ATP10B: variants seen among roughly 807,000 people sequenced by gnomAD.
ATP10B encodes the protein phospholipid-transporting ATPase VB.
In ATP10B, 122 loss-of-function variants were observed where a neutral mutation model predicts 141.2. That is an observed-to-expected ratio of 0.86 (90% CI 0.75 to 1.00). The LOEUF (loss-of-function observed/expected upper bound fraction) is 1.00. Ranked by LOEUF, ATP10B falls within the 50% of genes least tolerant of loss-of-function variation. ATP10B has a pLI of 0.00. For synonymous variants in ATP10B, 685 were observed against 692.0 expected (o/e 0.99, Z 0.16); for missense variants, 1,876 against 1,825.3 (o/e 1.03, Z -0.51).
At chr5:160,686,385 T>G in intron 5 of ATP10B, 112 bp from the exon 6 acceptor site, 1 of 713,012 alleles carries the variant, frequency 1.4e-6, no homozygotes, top group Non-Finnish European at 2.2e-6. Context: ...TCTTTCAGTA[T>G]CACCTCAAAC....
At chr5:160,841,867 G>A (rs1775828665) in intron 1 of ATP10B, among the ~76,000 whole-genome samples, 1 of 152,158 alleles carries the variant, frequency 6.6e-6, no homozygotes, top group African/African-American at 2.4e-5. Flanking sequence ...TGGGATTACA[G>A]GTGCGTGCCA....
the ATP10B span, among the ~76,000 whole-genome samples, chr5:160,906,437 C>A: frequency 6.6e-6 from 1 of 152,124 alleles, no homozygotes; most frequent in South Asian, 2.1e-4. Flanking sequence ...TTTCTATAAT[C>A]CTTCTAAACA....
At chr5:160,749,313 TAC>T (rs1768000828) in intron 2 of ATP10B, among the ~76,000 whole-genome samples, 1 of 152,198 alleles carries the variant, frequency 6.6e-6, no homozygotes, top group African/African-American at 2.4e-5. Context: ...GTTACCCTCC[TAC>T]AGATGGTTCA....
At chr5:160,747,197 C>T (rs1377953749) in intron 2 of ATP10B, among the ~76,000 whole-genome samples, 1 of 152,182 alleles carries the variant, frequency 6.6e-6, no homozygotes, top group East Asian at 1.9e-4. Flanking sequence ...GGCTAAAGGA[C>T]AGTCACCATT....
chr5:160,686,062 G>A lies in ATP10B; in HGVS notation c.470+17C>T. The A allele has an allele frequency of 1.3e-6, 2 of 1,536,726 alleles. No homozygotes were observed. Among genetic ancestry groups the A allele is most frequent in the Non-Finnish European group, 1.8e-6 (2 of 1,132,768 alleles). On this transcript the variant is annotated intron_variant, in intron 6 of 25. Transcript: ENST00000327245. ...TAACCCATTTGCAAGAGAGAACACA[G>A]GGATGGTTTTTCTTACCTTTCATAA... is the stretch of plus-strand genomic sequence containing the variant.
intron 1 of ATP10B, among the ~76,000 whole-genome samples, chr5:160,789,635 C>G (rs1043412248): frequency 6.6e-6 from 1 of 152,148 alleles, no homozygotes; most frequent in Admixed American, 6.6e-5. Context: ...CTGTGCTAAG[C>G]ACTTTGCATC....
intron 9 of ATP10B, among the ~76,000 whole-genome samples, chr5:160,641,001 T>C (rs1759819342): frequency 6.6e-6 from 1 of 152,240 alleles, no homozygotes. Context: ...CCACCTGTTA[T>C]GGGCTAGCAG....
intron 6 of ATP10B, 24 bp from the exon 7 acceptor site, chr5:160,670,691 G>A (rs1213208414): frequency 3.1e-6 from 5 of 1,604,736 alleles, no homozygotes; most frequent in Non-Finnish European, 4.3e-6. Context: ...AAGACAGGGT[G>A]TGAGTGAGCT....
At chr5:160,573,328 T>C (rs1211144539) in intron 24 of ATP10B, among the ~76,000 whole-genome samples, 2 of 152,236 alleles carry the variant, frequency 1.3e-5, no homozygotes, top group Non-Finnish European at 2.9e-5. Context: ...GCTTCTAGCC[T>C]CCAGAACCAT....
At chr5:160,676,164 G>A (rs1224312841) in intron 6 of ATP10B, among the ~76,000 whole-genome samples, 2 of 152,106 alleles carry the variant, frequency 1.3e-5, no homozygotes, top group African/African-American at 4.8e-5. Flanking sequence ...CCAGGTCTGG[G>A]GATAACCCAC....
chr5:160,883,190 A>G, the ATP10B span, among the ~76,000 whole-genome samples: 1 of 152,332 alleles, frequency 6.6e-6, no homozygotes, highest in South Asian at 2.1e-4. Context: ...CCAACCAAAC[A>G]TCACTTGCAT....
At chr5:160,638,916 A>C (rs1261723216) in intron 10 of ATP10B, among the ~76,000 whole-genome samples, 1 of 152,040 alleles carries the variant, frequency 6.6e-6, no homozygotes, top group Non-Finnish European at 1.5e-5. Context: ...CACTCTGAGG[A>C]TCAACTTAAA....
chr5:160,571,390 G>T (rs894784485), intron 24 of ATP10B, among the ~76,000 whole-genome samples: 3 of 151,894 alleles, frequency 2.0e-5, no homozygotes, highest in Non-Finnish European at 4.4e-5. Context: ...ATTTTCTATT[G>T]ATTTTTCAAA....
chr5:160,764,449 TA>T (rs1769262193), intron 2 of ATP10B, among the ~76,000 whole-genome samples: 1 of 151,780 alleles, frequency 6.6e-6, no homozygotes, highest in South Asian at 2.1e-4. Flanking sequence ...TAAACAGAAG[TA>T]AAAATAGAAA....
At chr5:160,755,814 CAAAAA>C (rs763385041) in intron 2 of ATP10B, among the ~76,000 whole-genome samples, 11 of 48,154 alleles carry the variant, frequency 2.3e-4, no homozygotes, top group African/African-American at 6.6e-4. Context: ...GACTCCGTCT[CAAAAA>C]AAAAAAAAAA....
chr5:160,686,787 C>T (rs919182034), intron 5 of ATP10B: 7 of 236,824 alleles, frequency 3.0e-5, no homozygotes, highest in Admixed American at 1.3e-4. Context: ...ATAAATATTA[C>T]ATGATTTATA....
the ATP10B span, among the ~76,000 whole-genome samples, chr5:160,872,909 G>A: frequency 2.6e-4 from 39 of 152,122 alleles, no homozygotes; most frequent in African/African-American, 9.2e-4. Context: ...ACTCTGTGAA[G>A]AACGACGGTG....
Position 160,622,472 on chromosome 5 carries a change from G to A in ATP10B, c.1734C>T (p.Ser578=), listed in dbSNP as rs1033246223. The stretch of plus-strand genomic sequence containing the variant: ...AGGCAAGGAAGAAATCAGCAATGGA[G>A]GAGGTGGTGGAGAGGGAAGCCTTGG... ...RPAKASLSTT[S]SIADFFLALT... is the part of the protein sequence containing the mutation. The change falls in exon 14 of 26, where the codon TCC becomes TCT. Residue 578 remains serine (S), a synonymous_variant. Transcript: ENST00000327245. 1 of 1,614,028 alleles carries A rather than the reference G, an allele frequency of 6.2e-7. No individual in the cohort carries two copies. Among genetic ancestry groups the A allele is most frequent in the Non-Finnish European group, 8.5e-7 (1 of 1,180,014 alleles).
At chr5:160,796,026 C>T (rs924695449) in intron 1 of ATP10B, among the ~76,000 whole-genome samples, 5 of 152,174 alleles carry the variant, frequency 3.3e-5, no homozygotes, top group Admixed American at 6.5e-5. Context: ...TCAGACCCCA[C>T]GTTGAGGCCA....
Sources: allele counts gnomAD v4.1 joint callset (sites outside exome capture counted in the v4.1 genomes callset), GRCh38; gene constraint gnomAD v4.1.1; transcripts MANE v1.5; gene names NCBI Gene and HGNC (gene_info 2026-07-23, HGNC 2026-07-21).